Variants in PEBP4 observed in about 807,000 individuals in gnomAD.
PEBP4 encodes the protein phosphatidylethanolamine-binding protein 4.
PEBP4 carries 22 observed loss-of-function variants against 23.9 expected under a neutral mutation model. The observed-to-expected ratio is 0.92, with a 90% confidence interval of 0.66 to 1.31. The LOEUF (loss-of-function observed/expected upper bound fraction) is 1.31, where lower values mean the gene tolerates loss of function less well. Among genes scored for constraint, PEBP4 ranks in the 40% most tolerant of loss-of-function variants. The pLI, the probability that PEBP4 is intolerant of heterozygous loss-of-function variation, is 0.00. For synonymous variants in PEBP4, 112 were observed against 99.3 expected (o/e 1.13, Z -0.76); for missense variants, 324 against 281.7 (o/e 1.15, Z -1.07).
Position 22,728,291 on chromosome 8 carries a change from A to G in PEBP4, c.358-1071T>C, listed in dbSNP as rs535838573. On this transcript the variant is annotated intron_variant, in intron 4 of 6. Transcript: ENST00000256404. ...CTACTCGCTCAGTCCAGAACCCACCAGATCTCCTACCTTTTAGACTGCAGC... is the reference window on the plus strand; with the variant it reads ...CTACTCGCTCAGTCCAGAACCCACCGGATCTCCTACCTTTTAGACTGCAGC... Among the ~76,000 whole-genome samples the G allele has an allele frequency of 2.0e-5, 3 of 152,270 alleles. No individual in the cohort carries two copies. The East Asian group carries it at 5.8e-4, about 29-fold the overall frequency.
intron 4 of PEBP4, among the ~76,000 whole-genome samples, chr8:22,793,582 G>A (rs746209006): frequency 1.3e-5 from 2 of 151,994 alleles, no homozygotes; most frequent in East Asian, 1.9e-4. Flanking sequence ...CACCTGGTTG[G>A]TTGCATAATA....
rs565355204 is a variant in PEBP4 at position 22,888,795 on chromosome 8, C to T, written c.258+31389G>A. ...AGCTGACTGGTTCCTCACTTCTGTC[C>T]AGCACGCCACCAGGCCTTCTCTTCT... On this transcript the variant is annotated intron_variant, in intron 3 of 6. Coordinates refer to ENST00000256404, the MANE Select transcript of PEBP4 (RefSeq NM_144962.3). Among the ~76,000 whole-genome samples, 127 of 152,320 alleles carry T rather than the reference C, an allele frequency of 8.3e-4. 1 individual carries two copies. Among genetic ancestry groups the T allele is most frequent in the Non-Finnish European group, 1.6e-3 (111 of 68,024 alleles).
intron 3 of PEBP4, among the ~76,000 whole-genome samples, chr8:22,871,406 C>G (rs777380166): frequency 1.3e-5 from 2 of 152,216 alleles, no homozygotes; most frequent in Admixed American, 6.5e-5. Flanking sequence ...TTTAGCTCCT[C>G]GTCCTGTACT....
chr8:22,877,533 T>C (rs1215867668), intron 3 of PEBP4, among the ~76,000 whole-genome samples: 1 of 152,084 alleles, frequency 6.6e-6, no homozygotes, highest in East Asian at 1.9e-4. Context: ...GCTGGGAAAC[T>C]AGCTGGGAGG....
intron 4 of PEBP4, among the ~76,000 whole-genome samples, chr8:22,732,904 C>A (rs370238331): frequency 1.3e-5 from 2 of 152,250 alleles, no homozygotes; most frequent in South Asian, 2.1e-4. Flanking sequence ...AACTTGCAAG[C>A]GAGATACTCA....
At chr8:22,850,122 A>T (rs1327664708) in intron 3 of PEBP4, among the ~76,000 whole-genome samples, 1 of 152,088 alleles carries the variant, frequency 6.6e-6, no homozygotes, top group African/African-American at 2.4e-5. Context: ...AAGAAAAAAA[A>T]AAAAAATCCG....
At chr8:22,876,682 T>C (rs2128771348) in intron 3 of PEBP4, among the ~76,000 whole-genome samples, 1 of 152,348 alleles carries the variant, frequency 6.6e-6, no homozygotes, top group East Asian at 1.9e-4. Flanking sequence ...GTTGTGAAAA[T>C]AAACAGCACT....
Position 22,795,237 on chromosome 8 carries a change from G to A in PEBP4, c.357+22400C>T, listed in dbSNP as rs190127064. Among the ~76,000 whole-genome samples the A allele has an allele frequency of 6.1e-3, 842 of 137,958 alleles. 13 individuals carry two copies. Among genetic ancestry groups the A allele is most frequent in the African/African-American group, 0.022 (799 of 36,122 alleles). 90.5% of individuals were successfully genotyped at this position (137,958 alleles called of 152,430 possible). A position where few individuals can be genotyped will look rare whatever the true frequency, so the allele number is the denominator to read the frequency against. On this transcript the variant is annotated intron_variant, in intron 4 of 6. Coordinates refer to ENST00000256404, the MANE Select transcript of PEBP4 (RefSeq NM_144962.3). ...GTCATCCAGTCTGGAGTGCAGTGGC[G>A]TGATCTTGGCTCACTGCAACCTCCA...
At chr8:22,858,304 G>A (rs868749682) in intron 3 of PEBP4, among the ~76,000 whole-genome samples, 1 of 152,170 alleles carries the variant, frequency 6.6e-6, no homozygotes, top group Non-Finnish European at 1.5e-5. Context: ...TTTTAGCAAC[G>A]TGGCTTAAGA....
chr8:22,896,380 C>A (rs188727100), intron 3 of PEBP4: 1 of 152,334 alleles, frequency 6.6e-6, no homozygotes, highest in East Asian at 1.9e-4. Context: ...CAGGCTCCAA[C>A]GTGTTTGCTC....
intron 4 of PEBP4, among the ~76,000 whole-genome samples, chr8:22,763,060 A>G (rs1274610548): frequency 6.6e-6 from 1 of 151,888 alleles, no homozygotes; most frequent in Non-Finnish European, 1.5e-5. Flanking sequence ...GCTGGAGCGC[A>G]GTAGCATGAT....
At chr8:22,786,431 C>A (rs534549986) in intron 4 of PEBP4, among the ~76,000 whole-genome samples, 2 of 152,112 alleles carry the variant, frequency 1.3e-5, no homozygotes, top group East Asian at 3.9e-4. Context: ...TACAGTTGCA[C>A]GCCACCATGT....
chr8:22,781,703 CCTT>C (rs1223094507), intron 4 of PEBP4, among the ~76,000 whole-genome samples: 1 of 152,220 alleles, frequency 6.6e-6, no homozygotes, highest in East Asian at 1.9e-4. Context: ...AAACCAGACT[CCTT>C]GCCTGGCCTC....
At chr8:22,891,380 C>A (rs1316551127) in intron 3 of PEBP4, among the ~76,000 whole-genome samples, 1 of 152,212 alleles carries the variant, frequency 6.6e-6, no homozygotes, top group Non-Finnish European at 1.5e-5. Flanking sequence ...ACCTCACCTG[C>A]TGTCTCCCAC....
intron 4 of PEBP4, among the ~76,000 whole-genome samples, chr8:22,758,391 C>G (rs1585257473): frequency 6.6e-6 from 1 of 152,210 alleles, no homozygotes; most frequent in East Asian, 1.9e-4. Context: ...TGGTTTTGGT[C>G]ACATGTTCTT....
chr8:22,745,349 G>A (rs1268303045), intron 4 of PEBP4, among the ~76,000 whole-genome samples: 1 of 152,210 alleles, frequency 6.6e-6, no homozygotes, highest in African/African-American at 2.4e-5. Flanking sequence ...AGAGGATTGG[G>A]GGAGTGAGCC....
chr8:22,774,558 C>G (rs1022121292), intron 4 of PEBP4, among the ~76,000 whole-genome samples: 1 of 152,158 alleles, frequency 6.6e-6, no homozygotes, highest in Non-Finnish European at 1.5e-5. Context: ...AAGGAGGCCC[C>G]GCAGGGAGGA....
At chr8:22,721,832 C>G (rs1160633570) in intron 6 of PEBP4, among the ~76,000 whole-genome samples, 1 of 152,190 alleles carries the variant, frequency 6.6e-6, no homozygotes, top group Non-Finnish European at 1.5e-5. Context: ...AAGCACTGGT[C>G]CAGCCCTGGG....
intron 3 of PEBP4, among the ~76,000 whole-genome samples, chr8:22,904,621 C>T (rs917982818): frequency 6.6e-6 from 1 of 152,138 alleles, no homozygotes; most frequent in Non-Finnish European, 1.5e-5. Flanking sequence ...TTAGTCTCAA[C>T]ACTCAAGGAG....
Sources: allele counts gnomAD v4.1 joint callset (sites outside exome capture counted in the v4.1 genomes callset), GRCh38; gene constraint gnomAD v4.1.1; transcripts MANE v1.5; gene names NCBI Gene and HGNC (gene_info 2026-07-23, HGNC 2026-07-21).